MPPED2: variants seen among roughly 807,000 people sequenced by gnomAD.
MPPED2 encodes metallophosphoesterase MPPED2.
In MPPED2, 5 loss-of-function variants were observed where a neutral mutation model predicts 33.0. The ratio of observed to expected loss-of-function variants is 0.15; its 90% CI spans 0.08 to 0.32. The LOEUF (loss-of-function observed/expected upper bound fraction) is 0.32, where lower values mean the gene tolerates loss of function less well. Among genes scored for constraint, MPPED2 ranks in the 10% least tolerant of loss-of-function variants. The pLI, the probability that MPPED2 is intolerant of heterozygous loss-of-function variation, is 1.00. For synonymous variants in MPPED2, 136 were observed against 141.9 expected (o/e 0.96, Z 0.29); for missense variants, 275 against 372.1 (o/e 0.74, Z 2.15).
chr11:30,451,031 T>A (rs1950036322), intron 4 of MPPED2, among the ~76,000 whole-genome samples: 1 of 152,196 alleles, frequency 6.6e-6, no homozygotes. Flanking sequence ...TCATGAGACA[T>A]GAGAGCAACA....
chr11:30,528,568 A>G (rs1040865601), intron 3 of MPPED2, among the ~76,000 whole-genome samples: 4 of 152,128 alleles, frequency 2.6e-5, no homozygotes, highest in African/African-American at 9.7e-5. Flanking sequence ...CATTGTTTAC[A>G]TGTTTTTACA....
chr11:30,512,298 T>C (rs1438177234), intron 3 of MPPED2, among the ~76,000 whole-genome samples: 1 of 152,150 alleles, frequency 6.6e-6, no homozygotes, highest in African/African-American at 2.4e-5. Flanking sequence ...TTCAGTGGCC[T>C]TGATGGGATT....
intron 4 of MPPED2, among the ~76,000 whole-genome samples, chr11:30,463,825 A>T (rs1950599049): frequency 6.6e-6 from 1 of 151,158 alleles, no homozygotes. Flanking sequence ...CCTAACTGAT[A>T]TGGGATTATG....
intron 4 of MPPED2, among the ~76,000 whole-genome samples, chr11:30,422,563 CCAT>C (rs1361041098): frequency 1.3e-5 from 2 of 152,060 alleles, no homozygotes; most frequent in East Asian, 3.9e-4. Context: ...AGCAGTGAGC[CCAT>C]CAGGGGTTCA....
chr11:30,551,123 GC>G (rs1955690458), intron 2 of MPPED2, among the ~76,000 whole-genome samples: 1 of 151,802 alleles, frequency 6.6e-6, no homozygotes, highest in Non-Finnish European at 1.5e-5. Context: ...CTTGTTCATG[GC>G]CAATGTTAGC....
At chr11:30,467,213 G>A (rs1950747338) in intron 4 of MPPED2, among the ~76,000 whole-genome samples, 1 of 152,150 alleles carries the variant, frequency 6.6e-6, no homozygotes, top group Non-Finnish European at 1.5e-5. Flanking sequence ...AGGAGAGCCA[G>A]GTGAGTGCCT....
chr11:30,390,287 C>T (rs1947755278), intron 6 of MPPED2, among the ~76,000 whole-genome samples: 1 of 152,158 alleles, frequency 6.6e-6, no homozygotes, highest in Non-Finnish European at 1.5e-5. Context: ...GGGGTCTTTG[C>T]CAGAAGCCAC....
chr11:30,458,901 A>G (rs1292736061), intron 4 of MPPED2, among the ~76,000 whole-genome samples: 3 of 130,864 alleles, frequency 2.3e-5, no homozygotes, highest in Non-Finnish European at 3.4e-5. Flanking sequence ...TTTTAGGACA[A>G]TTTTGCACAG....
In MPPED2 at chr11:30,580,386, T is replaced by C. The variant is rs751798326; in HGVS notation, c.-13A>G. On this transcript the variant is annotated 5_prime_UTR_variant, in exon 2 of 7. Coordinates refer to ENST00000358117, the MANE Select transcript of MPPED2 (RefSeq NM_001584.3). ...TCCCATGTGCCATCCTTCCTCCCTA[T>C]AGGCATGAGCAATTCACAACTTTAC... 5 of 1,613,710 alleles carry C rather than the reference T, an allele frequency of 3.1e-6. No homozygotes were observed. The highest frequency in any genetic ancestry group is 2.2e-5 in the South Asian group (2 of 91,042).
intron 4 of MPPED2, among the ~76,000 whole-genome samples, chr11:30,448,877 C>T (rs1448365931): frequency 6.6e-6 from 1 of 152,058 alleles, no homozygotes; most frequent in Non-Finnish European, 1.5e-5. Context: ...GGATCTCGAA[C>T]TCCCGACCTC....
intron 4 of MPPED2, among the ~76,000 whole-genome samples, chr11:30,440,842 A>G (rs1949540159): frequency 6.6e-6 from 1 of 152,258 alleles, no homozygotes; most frequent in African/African-American, 2.4e-5. Context: ...TGATGCATGC[A>G]GAGGACGCTA....
At chr11:30,417,497 G>T (rs371041959) in intron 5 of MPPED2, 21 bp downstream of exon 5, 8 of 1,435,814 alleles carry the variant, frequency 5.6e-6, no homozygotes, top group Non-Finnish European at 7.8e-6. Flanking sequence ...GATGACAAAG[G>T]ACAACCTTTG....
rs561599421 is a variant in MPPED2 at position 30,418,031 on chromosome 11, C to T, written c.537-398G>A. Among the ~76,000 whole-genome samples, 5 of 152,262 alleles carry T rather than the reference C, an allele frequency of 3.3e-5. No homozygotes were observed. The East Asian group carries it at 9.7e-4, about 29-fold the overall frequency. ...CAGTACTCCTTCTCCCTCACAATCA[C>T]TGTGAGGGGAGGAGTGAGGAGGGAG... On this transcript the variant is annotated intron_variant, in intron 4 of 6. Coordinates refer to ENST00000358117, the MANE Select transcript of MPPED2 (RefSeq NM_001584.3).
intron 4 of MPPED2, among the ~76,000 whole-genome samples, chr11:30,443,754 T>C (rs1949685485): frequency 6.6e-6 from 1 of 152,212 alleles, no homozygotes; most frequent in African/African-American, 2.4e-5. Flanking sequence ...GTAACTAGCG[T>C]GATGGATTTT....
chr11:30,582,513 A>C (rs1266960771), intron 1 of MPPED2, among the ~76,000 whole-genome samples: 2 of 152,246 alleles, frequency 1.3e-5, no homozygotes, highest in African/African-American at 4.8e-5. Flanking sequence ...TCTGAGTAAC[A>C]ATCTCTGCAC....
intron 2 of MPPED2, among the ~76,000 whole-genome samples, chr11:30,546,759 T>C (rs997557434): frequency 5.3e-5 from 8 of 152,244 alleles, no homozygotes; most frequent in Non-Finnish European, 1.2e-4. Flanking sequence ...ACATCATTTA[T>C]GTGAGTTTGA....
At chr11:30,439,106 A>T (rs1372321623) in intron 4 of MPPED2, among the ~76,000 whole-genome samples, 1 of 152,248 alleles carries the variant, frequency 6.6e-6, no homozygotes, top group Non-Finnish European at 1.5e-5. Context: ...GAATTGGGAA[A>T]GGAATGGAGT....
chr11:30,484,780 C>T (rs1047800276), intron 4 of MPPED2, among the ~76,000 whole-genome samples: 2 of 152,114 alleles, frequency 1.3e-5, no homozygotes, highest in African/African-American at 4.8e-5. Context: ...TCTACGTATC[C>T]AGATCATAAG....
chr11:30,512,646 T>C (rs957325414), intron 3 of MPPED2, among the ~76,000 whole-genome samples: 2 of 152,098 alleles, frequency 1.3e-5, no homozygotes, highest in Non-Finnish European at 2.9e-5. Context: ...AAGCCTGAGA[T>C]AGTCACTTTA....
Sources: allele counts gnomAD v4.1 joint callset (sites outside exome capture counted in the v4.1 genomes callset), GRCh38; gene constraint gnomAD v4.1.1; transcripts MANE v1.5; gene names NCBI Gene and HGNC (gene_info 2026-07-23, HGNC 2026-07-21).